Variants in TMBIM6 observed in about 807,000 individuals in gnomAD.
The protein encoded by TMBIM6 is transmembrane BAX inhibitor motif containing 6, also known as bax inhibitor 1.
In TMBIM6, 13 loss-of-function variants were observed where a neutral mutation model predicts 31.4. That is an observed-to-expected ratio of 0.41 (90% CI 0.27 to 0.66). TMBIM6 has a LOEUF of 0.66. Among genes scored for constraint, TMBIM6 ranks in the 30% least tolerant of loss-of-function variants. The probability of loss-of-function intolerance (pLI) is 0.28; values close to 1 mark genes in which losing one functional copy is unlikely to be tolerated. For missense variants in TMBIM6, 275 were observed against 289.5 expected (o/e 0.95, Z 0.36); for synonymous variants, 85 against 101.7 (o/e 0.84, Z 0.99).
chr12:49,755,835 T>TTA, intron 4 of TMBIM6, 80 bp downstream of exon 4: 1 of 1,489,104 alleles, frequency 6.7e-7, no homozygotes, highest in Non-Finnish European at 9.0e-7. Context: ...CCCTTTTTTT[T>TTA]TCTTTTTTTT....
At chr12:49,755,333 A>G (rs1353323162) in intron 3 of TMBIM6, among the ~76,000 whole-genome samples, 2 of 152,034 alleles carry the variant, frequency 1.3e-5, no homozygotes, top group Non-Finnish European at 2.9e-5. Context: ...CGTTTCATTC[A>G]TCCTTTCTAT....
At chr12:49,751,758 ATTTTTTTTTTTT>A (rs58141027) in intron 1 of TMBIM6, among the ~76,000 whole-genome samples, 1 of 108,572 alleles carries the variant, frequency 9.2e-6, no homozygotes, top group African/African-American at 4.1e-5. Flanking sequence ...TAGTGAGATA[ATTTTTTTTTTTT>A]TTTTTTTTTT....
intron 8 of TMBIM6, 32 bp from the exon 9 acceptor site, chr12:49,761,672 G>C: frequency 1.9e-6 from 3 of 1,609,042 alleles, no homozygotes; most frequent in Non-Finnish European, 2.6e-6. Context: ...AAAGTCTGAA[G>C]TACAGATCCT....
At chr12:49,757,247 G>GA (rs1419045455) in intron 4 of TMBIM6, among the ~76,000 whole-genome samples, 2 of 152,338 alleles carry the variant, frequency 1.3e-5, no homozygotes, top group Non-Finnish European at 2.9e-5. Flanking sequence ...TAGCCACTGT[G>GA]ACTCTACTTT....
Position 49,752,991 on chromosome 12 carries a change from G to C in TMBIM6, c.75G>C (p.Gln25His). ...TTCTTAGAACCCCGTCAACGCAGCAGCACCTGAAGAAGGTCTATGCAAGTT... is the reference window on the plus strand; with the variant it reads ...TTCTTAGAACCCCGTCAACGCAGCACCACCTGAAGAAGGTCTATGCAAGTT... ...KFSHITPSTQQHLKKVYASFA... is the reference protein window; with the variant it reads ...KFSHITPSTQHHLKKVYASFA... The change falls in exon 3 of 10, where the codon CAG becomes CAC. Residue 25 changes from glutamine to histidine, a missense_variant. Gln to His is a conservative substitution (Grantham distance 24, BLOSUM62 0). Coordinates refer to ENST00000267115, the MANE Select transcript of TMBIM6 (RefSeq NM_003217.3). 1 of 1,613,918 alleles carries C rather than the reference G, an allele frequency of 6.2e-7. No homozygotes were observed. The highest frequency in any genetic ancestry group is 8.5e-7 in the Non-Finnish European group (1 of 1,179,926).
At position 49,764,894 on chromosome 12, in the gene TMBIM6, A is replaced by G. The variant is rs1945790562; in HGVS notation, c.*1998A>G. On this transcript the variant is annotated 3_prime_UTR_variant, in exon 10 of 10. Coordinates refer to ENST00000267115, the MANE Select transcript of TMBIM6 (RefSeq NM_003217.3). ...ATTCAGAAATATATGAAATCTGCAT[A>G]GTCTTAATTTGTAAAAAATAAAGAA... 1 of 152,188 alleles carries G rather than the reference A, an allele frequency of 6.6e-6. No individual in the cohort carries two copies. Among genetic ancestry groups the G allele is most frequent in the African/African-American group, 2.4e-5 (1 of 41,448 alleles). 9.4% of individuals were successfully genotyped at this position (152,188 alleles called of 1,614,324 possible).
intron 9 of TMBIM6, chr12:49,762,058 A>G (rs1945730115): frequency 1.0e-5 from 4 of 395,900 alleles, no homozygotes; most frequent in South Asian, 8.0e-5. Context: ...TTTAAAGGCT[A>G]TATAGTTGTG....
In TMBIM6 at chr12:49,761,772, A is replaced by G; in HGVS notation, c.683A>G (p.Asn228Ser). Reference protein sequence around the residue: ...FRKLMMILAMNEKDKKKEKK With the variant: ...FRKLMMILAMSEKDKKKEKK ...AAACTCATGATGATCCTGGCCATGAATGAAAAGGTTAGTTAGCCTACAACC... is the reference window on the plus strand; with the variant it reads ...AAACTCATGATGATCCTGGCCATGAGTGAAAAGGTTAGTTAGCCTACAACC... Residue 228 changes from asparagine to serine, a missense_variant, in exon 9 of 10, where the codon AAT becomes AGT. Physicochemically the swap from Asn to Ser is conservative, Grantham distance 46 (BLOSUM62 1). Transcript: ENST00000267115. The G allele has an allele frequency of 6.2e-7, 1 of 1,614,214 alleles. No individual in the cohort carries two copies. Among genetic ancestry groups the G allele is most frequent in the Non-Finnish European group, 8.5e-7 (1 of 1,180,016 alleles).
chr12:49,750,114 T>C (rs867392393), intron 1 of TMBIM6, among the ~76,000 whole-genome samples: 7 of 152,058 alleles, frequency 4.6e-5, no homozygotes, highest in African/African-American at 1.7e-4. Flanking sequence ...ATGGTTTTGG[T>C]TTTTCCATCA....
At chr12:49,759,454 T>G in intron 8 of TMBIM6, 133 bp downstream of exon 8, 1 of 698,094 alleles carries the variant, frequency 1.4e-6, no homozygotes, top group Non-Finnish European at 2.5e-6. Flanking sequence ...CCCACGGTTT[T>G]GGAACTGTGT....
At chr12:49,746,053 G>C (rs749819116) in intron 1 of TMBIM6, among the ~76,000 whole-genome samples, 1 of 149,596 alleles carries the variant, frequency 6.7e-6, no homozygotes. Context: ...GTGCCTTTAT[G>C]TTTCAGTTTA....
chr12:49,751,735 T>G (rs2136941603), intron 1 of TMBIM6, among the ~76,000 whole-genome samples: 1 of 151,868 alleles, frequency 6.6e-6, no homozygotes, highest in African/African-American at 2.4e-5. Context: ...GTTTTTTATC[T>G]TTGAGGTGCT....
intron 1 of TMBIM6, among the ~76,000 whole-genome samples, chr12:49,749,198 T>C (rs979762789): frequency 2.6e-5 from 4 of 152,226 alleles, no homozygotes; most frequent in Non-Finnish European, 4.4e-5. Flanking sequence ...TCATTACTTA[T>C]CTGTATATTC....
At chr12:49,759,124 G>C (rs1945663769) in intron 7 of TMBIM6, 97 bp from the exon 8 acceptor site, 1 of 1,022,752 alleles carries the variant, frequency 9.8e-7, no homozygotes, top group Admixed American at 1.8e-5. Flanking sequence ...GTTCACATTT[G>C]ATGTACTTTC....
intron 8 of TMBIM6, among the ~76,000 whole-genome samples, chr12:49,760,925 C>T (rs545810617): frequency 7.9e-5 from 12 of 152,126 alleles, no homozygotes; most frequent in African/African-American, 2.9e-4. Context: ...CCGCAGCCTC[C>T]GTCTCCCGGC....
At chr12:49,742,772 T>A (rs937936535) in intron 1 of TMBIM6, among the ~76,000 whole-genome samples, 3 of 152,214 alleles carry the variant, frequency 2.0e-5, no homozygotes, top group African/African-American at 7.2e-5. Flanking sequence ...ATTATTGTAT[T>A]TACACTCTTT....
At chr12:49,762,094 C>T (rs949783426) in intron 9 of TMBIM6, 10 of 278,540 alleles carry the variant, frequency 3.6e-5, no homozygotes, top group African/African-American at 1.5e-4. Context: ...TTGTGGAGGA[C>T]GTTGTAAATT....
chr12:49,744,218 A>G (rs1945350185), intron 1 of TMBIM6, among the ~76,000 whole-genome samples: 2 of 152,214 alleles, frequency 1.3e-5, no homozygotes, highest in Admixed American at 1.3e-4. Context: ...AGTCAGGAGT[A>G]TTAGTATAGA....
chr12:49,746,787 G>GA (rs1438757670), intron 1 of TMBIM6, among the ~76,000 whole-genome samples: 3 of 149,200 alleles, frequency 2.0e-5, no homozygotes, highest in African/African-American at 4.9e-5. Context: ...AGAAGAAGAA[G>GA]AAGAAAAAAA....
Sources: allele counts gnomAD v4.1 joint callset (sites outside exome capture counted in the v4.1 genomes callset), GRCh38; gene constraint gnomAD v4.1.1; transcripts MANE v1.5; gene names NCBI Gene and HGNC (gene_info 2026-07-23, HGNC 2026-07-21).